The following PIGN variants were observed in gnomAD, a reference collection of about 807,000 sequenced individuals.
The protein encoded by PIGN is phosphatidylinositol glycan anchor biosynthesis class N.
A neutral mutation model predicts 125.4 loss-of-function variants in PIGN; 117 were observed. That is an observed-to-expected ratio of 0.93 (90% CI 0.80 to 1.09). The LOEUF (loss-of-function observed/expected upper bound fraction) is 1.09. PIGN is among the 50% of genes least tolerant of loss of function. The pLI, the probability that PIGN is intolerant of heterozygous loss-of-function variation, is 0.00. For synonymous variants in PIGN, 392 were observed against 377.8 expected (o/e 1.04, Z -0.44); for missense variants, 1,075 against 1,094.9 (o/e 0.98, Z 0.26).
intron 28 of PIGN, among the ~76,000 whole-genome samples, chr18:62,081,116 T>C (rs1234181465): frequency 6.6e-6 from 1 of 152,220 alleles, no homozygotes; most frequent in Admixed American, 6.5e-5. Context: ...TTTGTTATAC[T>C]GAACTCGTCC....
At chr18:62,176,566 C>A (rs1199131856) in intron 1 of PIGN, among the ~76,000 whole-genome samples, 1 of 151,720 alleles carries the variant, frequency 6.6e-6, no homozygotes, top group African/African-American at 2.4e-5. Context: ...ACCAGATGCA[C>A]CGAGAAAGGC....
At chr18:62,184,205 G>A (rs2037816630) in intron 1 of PIGN, among the ~76,000 whole-genome samples, 1 of 152,086 alleles carries the variant, frequency 6.6e-6, no homozygotes, top group Non-Finnish European at 1.5e-5. Flanking sequence ...ATTACTTGTG[G>A]TTCTTTTAAG....
intron 1 of PIGN, among the ~76,000 whole-genome samples, chr18:62,178,310 G>A (rs2037597189): frequency 6.6e-6 from 1 of 151,804 alleles, no homozygotes; most frequent in African/African-American, 2.4e-5. Context: ...CCAGATTTTA[G>A]AATCCCAAAA....
At chr18:62,117,720 T>C (rs918306178) in intron 14 of PIGN, among the ~76,000 whole-genome samples, 3 of 152,162 alleles carry the variant, frequency 2.0e-5, no homozygotes, top group Non-Finnish European at 4.4e-5. Flanking sequence ...TATACATATG[T>C]ATTCTTGTCT....
chr18:62,097,855 G>A (rs12961495), intron 22 of PIGN, among the ~76,000 whole-genome samples: 1,681 of 152,186 alleles, frequency 0.011, 18 homozygotes, highest in South Asian at 0.018. Context: ...CCAAGTGGAG[G>A]AAGGGCAGAT....
intron 1 of PIGN, among the ~76,000 whole-genome samples, chr18:62,185,906 T>C (rs1306070219): frequency 6.6e-6 from 1 of 152,202 alleles, no homozygotes; most frequent in Non-Finnish European, 1.5e-5. Context: ...ACTTTTAAAA[T>C]AGTTCTAAGT....
chr18:62,043,362 A>G lies in PIGN; in HGVS notation c.*2494T>C, dbSNP rs777530006. ...AAATCATGTTTTTAATGGCACAGTT[A>G]TATGTCAAAAAGGAGGAGAAAAGGA... On this transcript the variant is annotated 3_prime_UTR_variant, in exon 31 of 31. Coordinates refer to ENST00000640252, the MANE Select transcript of PIGN (RefSeq NM_176787.5). 1.3e-5 allele frequency: 2 copies of G among 152,184 alleles called. No homozygotes were observed. Among genetic ancestry groups the G allele is most frequent in the South Asian group, 2.1e-4 (1 of 4,832 alleles). The allele number at this position is 152,184 out of a possible 1,614,324, so 9.4% of individuals were successfully genotyped here.
chr18:62,089,859 C>T (rs2033877719), intron 24 of PIGN, among the ~76,000 whole-genome samples: 1 of 152,136 alleles, frequency 6.6e-6, no homozygotes, highest in African/African-American at 2.4e-5. Flanking sequence ...GAATTACCAT[C>T]AGCTCTAAAT....
chr18:62,045,190 G>A lies in PIGN; in HGVS notation c.*666C>T, dbSNP rs564398973. ...ACCAAGCACTTTCTACTTTTGTGTT[G>A]TCAGAAATCCCAGGAAAATCCAGAA... On this transcript the variant is annotated 3_prime_UTR_variant, in exon 31 of 31. Coordinates refer to ENST00000640252, the MANE Select transcript of PIGN (RefSeq NM_176787.5). The A allele has an allele frequency of 2.0e-5, 3 of 151,580 alleles. No homozygotes were observed. Among genetic ancestry groups the A allele is most frequent in the African/African-American group, 7.3e-5 (3 of 41,282 alleles). The allele number at this position is 151,580 out of a possible 1,614,324, so 9.4% of individuals were successfully genotyped here.
intron 25 of PIGN, 51 bp downstream of exon 25, chr18:62,088,705 C>A: frequency 3.2e-6 from 3 of 946,892 alleles, no homozygotes; most frequent in South Asian, 2.8e-5. Flanking sequence ...TCTTCTTACT[C>A]CATTAAGTGG....
At chr18:62,079,198 GT>G (rs1321306380) in intron 28 of PIGN, among the ~76,000 whole-genome samples, 1 of 152,152 alleles carries the variant, frequency 6.6e-6, no homozygotes, top group Non-Finnish European at 1.5e-5. Context: ...CCATATTAAG[GT>G]TTTTGCATAA....
At chr18:62,126,160 A>G (rs1308350617) in intron 14 of PIGN, among the ~76,000 whole-genome samples, 1 of 152,112 alleles carries the variant, frequency 6.6e-6, no homozygotes, top group African/African-American at 2.4e-5. Context: ...AAGCAGTTTC[A>G]AAAATATTAT....
chr18:62,135,619 C>CTTTTTTTTTTTTTTTTTTTT (rs72454339), intron 14 of PIGN: 14 of 68,682 alleles, frequency 2.0e-4, no homozygotes, highest in South Asian at 1.1e-3. Flanking sequence ...TTTTCTTTGT[C>CTTTTTTTTTTTTTTTTTTTT]TTTTTTTTTT....
chr18:62,180,445 C>T (rs978070337), intron 1 of PIGN, among the ~76,000 whole-genome samples: 1 of 152,160 alleles, frequency 6.6e-6, no homozygotes, highest in Non-Finnish European at 1.5e-5. Context: ...AGTGTCCATA[C>T]TAATTTACAT....
downstream of PIGN, among the ~76,000 whole-genome samples, chr18:62,038,824 A>T (rs1191861185): frequency 6.6e-6 from 1 of 152,088 alleles, no homozygotes; most frequent in African/African-American, 2.4e-5. Context: ...AGGCTGAGGT[A>T]AGAGGGCTGT....
intron 23 of PIGN, among the ~76,000 whole-genome samples, chr18:62,026,800 G>A (rs151117039): frequency 1.9e-3 from 294 of 152,314 alleles, no homozygotes; most frequent in Non-Finnish European, 3.0e-3. Flanking sequence ...GTAGGAAGGA[G>A]GCAACACCTT....
rs924321544 is a variant in PIGN at position 62,105,620 on chromosome 18, A to T, written c.1782T>A (p.Ser594Arg). 2 of 1,548,484 alleles carry T rather than the reference A, an allele frequency of 1.3e-6. No homozygotes were observed. The highest frequency in any genetic ancestry group is 2.7e-5 in the African/African-American group (2 of 72,808). The change falls in exon 20 of 31, where the codon AGT becomes AGA. Residue 594 changes from serine (S) to arginine (R), a missense_variant. This residue lies in a region of PIGN where 915 missense variants were observed against 908.7 expected (regional missense o/e 1.01). Coordinates refer to ENST00000640252, the MANE Select transcript of PIGN (RefSeq NM_176787.5). Reference protein sequence around the residue: ...LWTRAKMTSLSWTFFSLLLAV... With the variant: ...LWTRAKMTSLRWTFFSLLLAV... ...CCAGGAGCAAAGAGAAGAAAGTCCA[A>T]CTCAGTGAGGTCATCTAAAATCAAG... is the stretch of plus-strand genomic sequence containing the variant.
At chr18:62,058,912 G>T (rs2031927158) in intron 30 of PIGN, 1 of 152,086 alleles carries the variant, frequency 6.6e-6, no homozygotes, top group South Asian at 2.1e-4. Context: ...TCCAGGCCAG[G>T]TGTAGTGGCT....
chr18:62,127,896 G>A (rs571651320), intron 14 of PIGN, among the ~76,000 whole-genome samples: 2 of 152,016 alleles, frequency 1.3e-5, no homozygotes, highest in African/African-American at 4.8e-5. Context: ...ATAGCGGAAG[G>A]AGAAGATAGG....
Sources: allele counts gnomAD v4.1 joint callset (sites outside exome capture counted in the v4.1 genomes callset), GRCh38; gene constraint gnomAD v4.1.1; regional missense constraint gnomAD v4.1.1; transcripts MANE v1.5; gene names NCBI Gene and HGNC (gene_info 2026-07-23, HGNC 2026-07-21).